Variants in RGS6 observed in about 807,000 individuals in gnomAD.
The protein encoded by RGS6 is regulator of G protein signaling 6, also known as regulator of G-protein signaling 6.
In RGS6, 30 loss-of-function variants were observed where a neutral mutation model predicts 78.5. The observed-to-expected ratio is 0.38, with a 90% CI of 0.29 to 0.52. RGS6 has a LOEUF of 0.52. RGS6 is among the 20% of genes least tolerant of loss of function. The probability of loss-of-function intolerance (pLI) is 0.85; values close to 1 mark genes in which losing one functional copy is unlikely to be tolerated. For missense variants in RGS6, 495 were observed against 609.7 expected (o/e 0.81, Z 1.98); for synonymous variants, 206 against 206.0 (o/e 1.00, Z 0.00).
chr14:72,303,982 T>C (rs1413604593), intron 2 of RGS6, among the ~76,000 whole-genome samples: 2 of 152,236 alleles, frequency 1.3e-5, no homozygotes, highest in African/African-American at 2.4e-5. Context: ...CCTACTTAAA[T>C]GGTTCCTCTA....
the RGS6 span, among the ~76,000 whole-genome samples, chr14:71,905,234 G>C: frequency 6.6e-6 from 1 of 152,186 alleles, no homozygotes; most frequent in Non-Finnish European, 1.5e-5. Flanking sequence ...TTGGTCACGT[G>C]ACCCTTAGCT....
chr14:72,282,828 T>C (rs1395961610), intron 2 of RGS6, among the ~76,000 whole-genome samples: 1 of 152,006 alleles, frequency 6.6e-6, no homozygotes, highest in African/African-American at 2.4e-5. Context: ...AAGCGCACAA[T>C]ACAGTATTGT....
chr14:72,453,164 C>G (rs1254466896), intron 3 of RGS6, among the ~76,000 whole-genome samples: 1 of 152,072 alleles, frequency 6.6e-6, no homozygotes, highest in Non-Finnish European at 1.5e-5. Flanking sequence ...AGTTTCTGTT[C>G]AGATAAATCA....
At chr14:72,027,870 CTT>C (rs1346577735) in intron 2 of RGS6, among the ~76,000 whole-genome samples, 1 of 152,188 alleles carries the variant, frequency 6.6e-6, no homozygotes, top group Non-Finnish European at 1.5e-5. Context: ...CCTTTTATCT[CTT>C]TTGCACAGTT....
intron 2 of RGS6, among the ~76,000 whole-genome samples, chr14:72,143,434 A>G (rs527417000): frequency 6.6e-6 from 1 of 152,182 alleles, no homozygotes; most frequent in East Asian, 1.9e-4. Flanking sequence ...CACTCCATTT[A>G]CCTTTTATTT....
At chr14:72,004,304 C>G (rs1444669852) in intron 2 of RGS6, among the ~76,000 whole-genome samples, 1 of 152,072 alleles carries the variant, frequency 6.6e-6, no homozygotes, top group East Asian at 1.9e-4. Context: ...GGATGGTGCA[C>G]CTGGGTGGCT....
chr14:72,011,854 G>A (rs2085818017), intron 2 of RGS6, among the ~76,000 whole-genome samples: 1 of 152,136 alleles, frequency 6.6e-6, no homozygotes, highest in Non-Finnish European at 1.5e-5. Context: ...TGGTAATAGT[G>A]TATTTAACGG....
chr14:71,935,221 A>T (rs2088865983), intron 1 of RGS6, among the ~76,000 whole-genome samples: 1 of 152,248 alleles, frequency 6.6e-6, no homozygotes, highest in African/African-American at 2.4e-5. Flanking sequence ...ATTTCAAAAA[A>T]CAATTTTAAC....
intron 2 of RGS6, among the ~76,000 whole-genome samples, chr14:72,171,577 C>T (rs894309456): frequency 6.6e-6 from 1 of 152,184 alleles, no homozygotes; most frequent in Admixed American, 6.5e-5. Context: ...GATCTGTGCT[C>T]AGATTTGTTT....
chr14:72,342,565 T>TAAA (rs369765140), intron 2 of RGS6, among the ~76,000 whole-genome samples: 2,421 of 133,442 alleles, frequency 0.018, 64 homozygotes, highest in African/African-American at 0.055. Flanking sequence ...GACTCTGTCT[T>TAAA]AAAAAAAAAA....
intron 3 of RGS6, among the ~76,000 whole-genome samples, chr14:72,365,300 T>C (rs1233735386): frequency 6.6e-6 from 1 of 152,160 alleles, no homozygotes; most frequent in African/African-American, 2.4e-5. Context: ...GTACTGAGGA[T>C]AGAGATAACA....
Position 72,413,373 on chromosome 14 carries a change from A to T in RGS6, c.185-41155A>T, listed in dbSNP as rs537890604. ...TTGTTGGTTTAAAGTCTGTTTTATC[A>T]GAGACTAGGATTGCAACCCCTGCCT... On this transcript the variant is annotated intron_variant, in intron 3 of 17. Transcript: ENST00000553525. 1.9e-3 allele frequency among the ~76,000 whole-genome samples: 281 copies of T among 146,740 alleles called. 2 individuals are homozygous for T. The highest frequency in any genetic ancestry group is 7.0e-3 in the African/African-American group (269 of 38,582).
the RGS6 span, among the ~76,000 whole-genome samples, chr14:72,600,172 C>G: frequency 1.2e-3 from 184 of 152,276 alleles, no homozygotes; most frequent in Non-Finnish European, 1.9e-3. Flanking sequence ...CACTCTCTCC[C>G]CCTCTGCCCA....
At chr14:72,422,988 G>A (rs1246207489) in intron 3 of RGS6, among the ~76,000 whole-genome samples, 1 of 152,232 alleles carries the variant, frequency 6.6e-6, no homozygotes, top group Non-Finnish European at 1.5e-5. Flanking sequence ...TCAGAACTGG[G>A]AGAGAATAAA....
In RGS6 at chr14:72,518,353, T is replaced by A. The variant is rs1196372855; in HGVS notation, c.1094T>A (p.Phe365Tyr). The A allele has an allele frequency of 6.2e-7, 1 of 1,612,822 alleles. No individual in the cohort carries two copies. The highest frequency in any genetic ancestry group is 1.1e-5 in the South Asian group (1 of 91,028). ...ESEFSSENLR[F>Y]WLAVQDLKKQ... ...CTGTGTTTCTGCTCCCACTTCAGGT[T>A]CTGGCTGGCTGTCCAAGATCTTAAG... The change falls in exon 15 of 18, where the codon TTC becomes TAC. Residue 365 changes from phenylalanine (F) to tyrosine (Y), a missense_variant and splice_region_variant. Phe to Tyr is a conservative substitution (Grantham distance 22). Coordinates refer to ENST00000553525, the MANE Select transcript of RGS6 (RefSeq NM_001204424.2).
chr14:72,425,456 T>C (rs746493844), intron 3 of RGS6, among the ~76,000 whole-genome samples: 2 of 152,216 alleles, frequency 1.3e-5, no homozygotes, highest in East Asian at 1.9e-4. Flanking sequence ...GAAAATCTTA[T>C]AACATGAATT....
intron 2 of RGS6, among the ~76,000 whole-genome samples, chr14:72,343,055 A>C (rs764089217): frequency 1.2e-4 from 19 of 152,150 alleles, no homozygotes; most frequent in Non-Finnish European, 2.5e-4. Context: ...TGATTAGCCA[A>C]ATATTTGCTG....
At chr14:72,556,586 A>G (rs1006255881) in intron 17 of RGS6, among the ~76,000 whole-genome samples, 13 of 142,720 alleles carry the variant, frequency 9.1e-5, no homozygotes, top group Non-Finnish European at 1.3e-4. Context: ...ACTGCTGGGT[A>G]CCTCCTCCAT....
At chr14:72,471,901 G>A (rs1241332882) in intron 8 of RGS6, among the ~76,000 whole-genome samples, 1 of 152,190 alleles carries the variant, frequency 6.6e-6, no homozygotes, top group Non-Finnish European at 1.5e-5. Flanking sequence ...GAATCAAACA[G>A]CATCACAAGT....
Sources: allele counts gnomAD v4.1 joint callset (sites outside exome capture counted in the v4.1 genomes callset), GRCh38; gene constraint gnomAD v4.1.1; transcripts MANE v1.5; gene names NCBI Gene and HGNC (gene_info 2026-07-23, HGNC 2026-07-21).